Variants in NUP58 observed in about 807,000 individuals in gnomAD.
NUP58 encodes nucleoporin p58/p45.
NUP58 carries 17 observed loss-of-function variants against 70.1 expected under a neutral mutation model. That is an observed-to-expected ratio of 0.24 (90% CI 0.17 to 0.36). NUP58 has a LOEUF of 0.36. NUP58 is among the 10% of genes least tolerant of loss of function. The pLI, the probability that NUP58 is intolerant of heterozygous loss-of-function variation, is 1.00. For missense variants in NUP58, 644 were observed against 701.5 expected (o/e 0.92, Z 0.93); for synonymous variants, 275 against 257.6 (o/e 1.07, Z -0.65).
At chr13:25,334,966 T>C in intron 13 of NUP58, 1 of 985,002 alleles carries the variant, frequency 1.0e-6, no homozygotes, top group Non-Finnish European at 1.2e-6. Flanking sequence ...ACTTCTTGAA[T>C]TGTTTACGTA....
At chr13:25,331,907 CAG>C (rs1234075029) in intron 13 of NUP58, 4 of 1,071,884 alleles carry the variant, frequency 3.7e-6, no homozygotes, top group African/African-American at 1.7e-5. Flanking sequence ...GTTTTAAAGT[CAG>C]AGATCATCCA....
rs761304039 is a variant in NUP58 at position 25,336,904 on chromosome 13, T to TC, written c.1436-25dup. 99 of 1,402,682 alleles carry TC rather than the reference T, an allele frequency of 7.1e-5. 1 individual carries two copies. The highest frequency in any genetic ancestry group is 3.0e-4 in the East Asian group (13 of 43,020). The allele number at this position is 1,402,682 out of a possible 1,614,324, so 86.9% of individuals were successfully genotyped here. On this transcript the variant is annotated intron_variant, in intron 13 of 15. Transcript: ENST00000381736. The stretch of plus-strand genomic sequence containing the variant: ...AAGAGTAAGGCAAATTTGTTTTTTT[T>TC]CCCCCCCATTTTTTTTTTTTTTTTA...
downstream of NUP58, among the ~76,000 whole-genome samples, chr13:25,343,843 GCACA>G (rs925151458): frequency 4.3e-5 from 6 of 139,552 alleles, no homozygotes; most frequent in African/African-American, 1.1e-4. Context: ...ATATATATAC[GCACA>G]CACACACATA....
chr13:25,309,866 GGAAAT>G (rs1037864936), intron 3 of NUP58: 68 of 181,306 alleles, frequency 3.8e-4, no homozygotes, highest in Non-Finnish European at 2.5e-4. Context: ...GAAAGGAAAA[GGAAAT>G]GAAAGAACAT....
At chr13:25,307,975 G>T in intron 2 of NUP58, 27 bp downstream of exon 2, 1 of 1,611,314 alleles carries the variant, frequency 6.2e-7, no homozygotes, top group South Asian at 1.1e-5. Context: ...CACATTGTCA[G>T]AGAGTAGGCT....
rs1054726228 is a variant in NUP58 at position 25,307,870 on chromosome 13, G to A, written c.172G>A (p.Ala58Thr). ...GSTSTPATTSAPSSGFGTGLF... is the reference protein window; with the variant it reads ...GSTSTPATTSTPSSGFGTGLF... ...TACTTCAACTCCAGCAACTACATCT[G>A]CTCCTTCAAGTGGTTTTGGAACCGG... The change falls in exon 2 of 16, where the codon GCT becomes ACT. Residue 58 changes from alanine to threonine, a missense_variant. This residue lies in a region of NUP58 where 430 missense variants were observed against 409.2 expected (regional missense o/e 1.05). Coordinates refer to ENST00000381736, the MANE Select transcript of NUP58 (RefSeq NM_014089.4). The A allele has an allele frequency of 6.2e-7, 1 of 1,614,142 alleles. No individual in the cohort carries two copies. Among genetic ancestry groups the A allele is most frequent in the Non-Finnish European group, 8.5e-7 (1 of 1,180,014 alleles).
chr13:25,345,660 G>T (rs1234429482), downstream of NUP58, among the ~76,000 whole-genome samples: 1 of 152,136 alleles, frequency 6.6e-6, no homozygotes, highest in Non-Finnish European at 1.5e-5. Flanking sequence ...CTGTCAAAGA[G>T]AAGTTTAACA....
In NUP58 at chr13:25,307,923, G is replaced by A. The variant is rs747619621; in HGVS notation, c.225G>A (p.Gly75=). The A allele has an allele frequency of 2.5e-6, 4 of 1,613,972 alleles. No individual in the cohort carries two copies. The African/African-American group carries it at 4.0e-5, about 16-fold the overall frequency. Residue 75 remains glycine, a synonymous_variant, in exon 2 of 16, where the codon GGG becomes GGA. Transcript: ENST00000381736. ...TCTTTGGATCTAAACCTGCCACTGG[G>A]TTCACTCTAGGAGGAACAAATACAG... ...TGLFGSKPAT[G]FTLGGTNTGI...
At chr13:25,310,865 C>A (rs914875956) in intron 3 of NUP58, among the ~76,000 whole-genome samples, 1 of 152,116 alleles carries the variant, frequency 6.6e-6, no homozygotes, top group African/African-American at 2.4e-5. Context: ...AACCATGCAG[C>A]CTTGTGTCTA....
At chr13:25,307,157 T>TGA (rs2030405403) in intron 1 of NUP58, among the ~76,000 whole-genome samples, 1 of 151,884 alleles carries the variant, frequency 6.6e-6, no homozygotes, top group Non-Finnish European at 1.5e-5. Flanking sequence ...ATGATTACCT[T>TGA]GAGATCTGGA....
At chr13:25,327,383 C>CTA (rs767967073) in intron 11 of NUP58, 47 bp from the exon 12 acceptor site, 5 of 1,212,534 alleles carry the variant, frequency 4.1e-6, no homozygotes, top group African/African-American at 3.0e-5. Context: ...ATGGATTGTG[C>CTA]TATATATATG....
intron 13 of NUP58, chr13:25,331,784 A>G (rs569229751): frequency 8.0e-6 from 11 of 1,367,518 alleles, no homozygotes; most frequent in African/African-American, 5.8e-5. Context: ...TTGTGAATCT[A>G]CTTAATGTTA....
At chr13:25,321,877 A>G (rs1036744096) in intron 9 of NUP58, among the ~76,000 whole-genome samples, 1 of 152,172 alleles carries the variant, frequency 6.6e-6, no homozygotes, top group African/African-American at 2.4e-5. Flanking sequence ...AGATTGCACC[A>G]TTGTACTCCA....
chr13:25,336,686 T>C, intron 13 of NUP58, among the ~76,000 whole-genome samples: 1 of 152,166 alleles, frequency 6.6e-6, no homozygotes, highest in Non-Finnish European at 1.5e-5. Flanking sequence ...GCGGTAAGCC[T>C]CTTTTAATTG....
chr13:25,337,867 G>T (rs916338070), intron 14 of NUP58, among the ~76,000 whole-genome samples: 1 of 152,072 alleles, frequency 6.6e-6, no homozygotes, highest in African/African-American at 2.4e-5. Flanking sequence ...GTCACACTCA[G>T]TATTTTAGAT....
chr13:25,315,631 T>C (rs908152601), intron 6 of NUP58, among the ~76,000 whole-genome samples, 164 bp downstream of exon 6: 1 of 152,224 alleles, frequency 6.6e-6, no homozygotes, highest in African/African-American at 2.4e-5. Context: ...GGGATCATGA[T>C]ACATATGCAG....
intron 9 of NUP58, among the ~76,000 whole-genome samples, chr13:25,324,049 C>A (rs2031295172): frequency 2.0e-5 from 3 of 152,116 alleles, no homozygotes; most frequent in Non-Finnish European, 4.4e-5. Flanking sequence ...GTCTGAAGAT[C>A]TACAAGCAGT....
At chr13:25,314,342 C>T (rs2030826171) in intron 5 of NUP58, among the ~76,000 whole-genome samples, 1 of 151,332 alleles carries the variant, frequency 6.6e-6, no homozygotes, top group African/African-American at 2.5e-5. Context: ...CTAGAGATAA[C>T]ATCTCTTCTA....
chr13:25,335,587 A>G (rs2031751414), intron 13 of NUP58: 1 of 981,966 alleles, frequency 1.0e-6, no homozygotes, highest in Non-Finnish European at 1.2e-6. Context: ...ATTTTAAATT[A>G]TTTTTTTAAT....
Sources: gnomAD v4.1 joint callset for allele counts (sites outside exome capture counted in the v4.1 genomes callset) on GRCh38, gnomAD v4.1.1 for gene constraint, gnomAD v4.1.1 regional missense constraint, MANE v1.5 for transcripts, NCBI Gene and HGNC (gene_info 2026-07-23, HGNC 2026-07-21) for gene names.